Variants in AGAP1 observed in about 807,000 individuals in gnomAD.
The protein encoded by AGAP1 is ArfGAP with GTPase domain, ankyrin repeat and PH domain 1.
A neutral mutation model predicts 105.3 loss-of-function variants in AGAP1; 29 were observed. The ratio of observed to expected loss-of-function variants is 0.28; its 90% confidence interval spans 0.21 to 0.38. AGAP1 has a LOEUF of 0.38. Among genes scored for constraint, AGAP1 ranks in the 10% least tolerant of loss-of-function variants. The pLI, the probability that AGAP1 is intolerant of heterozygous loss-of-function variation, is 1.00. For synonymous variants in AGAP1, 509 were observed against 485.9 expected, an observed-to-expected ratio of 1.05 and a Z score of -0.63; for missense variants, 998 against 1,165.1, an observed-to-expected ratio of 0.86 and a Z score of 2.09.
chr2:235,983,344 C>T lies in AGAP1; in HGVS notation c.1645+14721C>T, dbSNP rs1357266174. Among the ~76,000 whole-genome samples, 1 of 152,054 alleles carries T rather than the reference C, an allele frequency of 6.6e-6. No individual in the cohort carries two copies. The highest frequency in any genetic ancestry group is 6.6e-5 in the Admixed American group (1 of 15,116). On this transcript the variant is annotated intron_variant, in intron 13 of 17. Coordinates refer to ENST00000304032, the MANE Select transcript of AGAP1 (RefSeq NM_001037131.3). The surrounding 1 kb of genome is among the most constrained non-coding windows in gnomAD (Gnocchi z 4.5). The stretch of plus-strand genomic sequence containing the variant: ...TAGGCCCCCTCCTTTTGTTCAGCTC[C>T]TCCTCTCCAGCACCAACCTCCCATC...
intron 1 of AGAP1, among the ~76,000 whole-genome samples, chr2:235,594,340 C>T (rs1208133445): frequency 1.3e-5 from 2 of 150,452 alleles, no homozygotes; most frequent in African/African-American, 2.5e-5. Flanking sequence ...ACCTGAAAAA[C>T]AAAATGAGGA....
intron 9 of AGAP1, among the ~76,000 whole-genome samples, chr2:235,860,088 T>TCTC (rs538031359): frequency 1.0e-3 from 153 of 152,162 alleles, no homozygotes; most frequent in African/African-American, 3.5e-3. Flanking sequence ...GTTTTCTTCT[T>TCTC]CTCCTCCTCC....
rs371766891 is a variant in AGAP1 at position 235,518,821 on chromosome 2, A to G, written c.163+23972A>G. Among the ~76,000 whole-genome samples, 8 of 152,220 alleles carry G rather than the reference A, an allele frequency of 5.3e-5. No individual in the cohort carries two copies. The East Asian group carries it at 5.8e-4, about 11-fold the overall frequency. On this transcript the variant is annotated intron_variant, in intron 1 of 17. Coordinates refer to ENST00000304032, the MANE Select transcript of AGAP1 (RefSeq NM_001037131.3). The stretch of plus-strand genomic sequence containing the variant: ...AACAGCAGCTGCATGTCCTCAGGTT[A>G]AACTTCACATCTTGACTGGCAGGCT...
chr2:236,118,811 A>C (rs2125970008), intron 16 of AGAP1, among the ~76,000 whole-genome samples: 1 of 151,586 alleles, frequency 6.6e-6, no homozygotes, highest in Middle Eastern at 3.4e-3. Context: ...TTCTTTGTAA[A>C]TTTCTTGTCC....
At chr2:235,584,902 CTTTTTTTTT>C (rs10629736) in intron 1 of AGAP1, among the ~76,000 whole-genome samples, 2 of 98,520 alleles carry the variant, frequency 2.0e-5, no homozygotes, top group African/African-American at 8.9e-5. Flanking sequence ...AAGTCATTAC[CTTTTTTTTT>C]TTTTTTTTTT....
rs1439920302 is a variant in AGAP1 at position 235,769,322 on chromosome 2, G to A, written c.673+18834G>A. 2.0e-5 allele frequency among the ~76,000 whole-genome samples: 3 copies of A among 152,214 alleles called. No individual in the cohort carries two copies. The highest frequency in any genetic ancestry group is 4.8e-5 in the African/African-American group (2 of 41,456). ...ACATGCCTGGGCTGCTGAGTGGGGC[G>A]TGCCCAACTCTTTCTGCTTTGAGTT... On this transcript the variant is annotated intron_variant, in intron 6 of 17. Coordinates refer to ENST00000304032, the MANE Select transcript of AGAP1 (RefSeq NM_001037131.3). The surrounding 1 kb of genome is among the most constrained non-coding windows in gnomAD (Gnocchi z 4.4).
intron 1 of AGAP1, among the ~76,000 whole-genome samples, chr2:235,607,418 C>T (rs1448436755): frequency 1.3e-5 from 2 of 152,210 alleles, no homozygotes; most frequent in Admixed American, 6.5e-5. Flanking sequence ...ATTAGTCTAC[C>T]TTTAGGGCTC....
chr2:235,900,936 G>A lies in AGAP1; in HGVS notation c.1156-7802G>A, dbSNP rs924681480. The stretch of plus-strand genomic sequence containing the variant: ...TTGGGAAACAAAGTTATTTCTCATG[G>A]GATTTTTCCCTTTGAAGCTGCCTCC... On this transcript the variant is annotated intron_variant, in intron 10 of 17. Transcript: ENST00000304032. This position sits in a 1 kb window ranked among gnomAD's most constrained non-coding sequence, Gnocchi z 5.5. 1.3e-5 allele frequency among the ~76,000 whole-genome samples: 2 copies of A among 152,158 alleles called. No individual in the cohort carries two copies. Among genetic ancestry groups the A allele is most frequent in the African/African-American group, 2.4e-5 (1 of 41,440 alleles).
chr2:236,081,399 C>T (rs1314315833), intron 16 of AGAP1, among the ~76,000 whole-genome samples: 3 of 152,308 alleles, frequency 2.0e-5, no homozygotes, highest in Admixed American at 6.5e-5. Flanking sequence ...GTCTGAACCG[C>T]GCTGCATTTG....
At position 235,665,167 on chromosome 2, in the gene AGAP1, T is replaced by C. The variant is rs902763272; in HGVS notation, c.164-44012T>C. On this transcript the variant is annotated intron_variant, in intron 1 of 17. Coordinates refer to ENST00000304032, the MANE Select transcript of AGAP1 (RefSeq NM_001037131.3). This position sits in a 1 kb window ranked among gnomAD's most constrained non-coding sequence, Gnocchi z 5.3. ...AGGAGTTCAAGGCTGTAGTGAGCTA[T>C]GATCTTGCCACTGCACTCTAGCCTG... Among the ~76,000 whole-genome samples the C allele has an allele frequency of 1.3e-5, 2 of 152,204 alleles. No homozygotes were observed. Among genetic ancestry groups the C allele is most frequent in the Admixed American group, 1.3e-4 (2 of 15,280 alleles).
rs964863313 is a variant in AGAP1 at position 235,769,388 on chromosome 2, CT to C, written c.673+18904del. On this transcript the variant is annotated intron_variant, in intron 6 of 17. Transcript: ENST00000304032. This position sits in a 1 kb window ranked among gnomAD's most constrained non-coding sequence, Gnocchi z 4.4. ...TGGCAAGGTTTGCGTGGTCTTCACT[CT>C]TTTGCAGAAAATTGTTGGCATTGCA... Among the ~76,000 whole-genome samples, 28 of 152,342 alleles carry C rather than the reference CT, an allele frequency of 1.8e-4. 1 individual carries two copies. The highest frequency in any genetic ancestry group is 5.8e-4 in the African/African-American group (24 of 41,586).
chr2:236,094,716 T>C (rs556769398), intron 16 of AGAP1, among the ~76,000 whole-genome samples: 84 of 152,104 alleles, frequency 5.5e-4, no homozygotes, highest in African/African-American at 2.0e-3. Flanking sequence ...TTCATGAAAT[T>C]TGTGGACTGT....
chr2:235,526,318 G>A (rs1026795757), intron 1 of AGAP1, among the ~76,000 whole-genome samples: 3 of 152,218 alleles, frequency 2.0e-5, no homozygotes, highest in Non-Finnish European at 4.4e-5. Context: ...AGGTTCTCTT[G>A]ATTGACAGGA....
Position 235,958,570 on chromosome 2 carries a change from A to T in AGAP1, c.1484-9892A>T, listed in dbSNP as rs1369658243. ...CAAGGCGAGCTCCCTGCAATGGTTC[A>T]TCAAAAATTGCCCAGCTAATGATCG... On this transcript the variant is annotated intron_variant, in intron 12 of 17. Transcript: ENST00000304032. This position sits in a 1 kb window ranked among gnomAD's most constrained non-coding sequence, Gnocchi z 4.1. Among the ~76,000 whole-genome samples the T allele has an allele frequency of 2.0e-5, 3 of 152,216 alleles. No homozygotes were observed. The highest frequency in any genetic ancestry group is 2.9e-5 in the Non-Finnish European group (2 of 68,026).
Position 235,843,235 on chromosome 2 carries a change from G to C in AGAP1, c.1050+35904G>C, listed in dbSNP as rs757893759. 6.6e-6 allele frequency among the ~76,000 whole-genome samples: 1 copy of C among 151,948 alleles called. No individual in the cohort carries two copies. The highest frequency in any genetic ancestry group is 2.4e-5 in the African/African-American group (1 of 41,394). ...CCCTCCTTCTTAGAGAGTGGTCTTC[G>C]GGAGGACCTGAGCTTCGGCTGCGGC... On this transcript the variant is annotated intron_variant, in intron 9 of 17. Coordinates refer to ENST00000304032, the MANE Select transcript of AGAP1 (RefSeq NM_001037131.3). The surrounding 1 kb of genome is among the most constrained non-coding windows in gnomAD (Gnocchi z 5.9).
At chr2:235,918,458 A>G (rs1020078739) in intron 11 of AGAP1, among the ~76,000 whole-genome samples, 2 of 152,228 alleles carry the variant, frequency 1.3e-5, no homozygotes, top group Admixed American at 6.5e-5. Context: ...AGAGGACACT[A>G]AAGTTCATCT....
At chr2:235,955,778 G>A (rs142647762) in intron 12 of AGAP1, among the ~76,000 whole-genome samples, 1 of 152,246 alleles carries the variant, frequency 6.6e-6, no homozygotes, top group East Asian at 1.9e-4. Flanking sequence ...GTAGATAAGA[G>A]CAGGGATGTA....
At chr2:236,075,252 GT>G (rs200698241) in intron 16 of AGAP1, among the ~76,000 whole-genome samples, 1 of 151,868 alleles carries the variant, frequency 6.6e-6, no homozygotes, top group African/African-American at 2.4e-5. Flanking sequence ...TGCGCGCTGG[GT>G]TTTTTTTACT....
In AGAP1 at chr2:235,671,167, C is replaced by T. The variant is rs986086965; in HGVS notation, c.164-38012C>T. The stretch of plus-strand genomic sequence containing the variant: ...CCCGGGTCGGGAGCCTGCACGTGGC[C>T]TCGAGGGATGCGAACTCGGGTACTG... On this transcript the variant is annotated intron_variant, in intron 1 of 17. Coordinates refer to ENST00000304032, the MANE Select transcript of AGAP1 (RefSeq NM_001037131.3). 3.4e-6 allele frequency: 4 copies of T among 1,167,046 alleles called. No individual in the cohort carries two copies. The African/African-American group carries it at 4.8e-5, about 14-fold the overall frequency. 72.3% of individuals were successfully genotyped at this position (1,167,046 alleles called of 1,614,324 possible).
Sources: gnomAD v4.1 joint callset for allele counts (sites outside exome capture counted in the v4.1 genomes callset) on GRCh38, gnomAD v4.1.1 for gene constraint, Gnocchi (gnomAD v3.1) non-coding constraint, MANE v1.5 for transcripts, NCBI Gene and HGNC (gene_info 2026-07-23, HGNC 2026-07-21) for gene names.